JPH3: variants seen among roughly 807,000 people sequenced by gnomAD.
The protein encoded by JPH3 is junctophilin-3.
JPH3 carries 11 observed loss-of-function variants against 59.6 expected under a neutral mutation model. The observed-to-expected ratio is 0.18, with a 90% confidence interval of 0.12 to 0.31. The LOEUF (loss-of-function observed/expected upper bound fraction) is 0.31. Ranked by LOEUF, JPH3 falls within the 10% of genes least tolerant of loss-of-function variation. The pLI, the probability that JPH3 is intolerant of heterozygous loss-of-function variation, is 1.00. For synonymous variants in JPH3, 673 were observed against 483.6 expected (o/e 1.39, Z -5.14); for missense variants, 1,202 against 1,105.7 (o/e 1.09, Z -1.24).
At chr16:87,622,480 G>C (rs568253863) in intron 1 of JPH3, among the ~76,000 whole-genome samples, 1 of 146,496 alleles carries the variant, frequency 6.8e-6, no homozygotes, top group African/African-American at 2.5e-5. Flanking sequence ...GCAGAGGGGC[G>C]TGCAGGCAGC....
rs190052137 is a variant in JPH3, at chr16:87,627,573, A to T, written c.383-16685A>T. 2.7e-3 allele frequency among the ~76,000 whole-genome samples: 406 copies of T among 152,282 alleles called. 2 individuals carry two copies. Among genetic ancestry groups the T allele is most frequent in the Non-Finnish European group, 4.5e-3 (304 of 68,020 alleles). ...TTTTACAGGCAGGGACAGTGAAGGG[A>T]CTGTGACCGCTGTTGGTGCCAGGCA... On this transcript the variant is annotated intron_variant, in intron 1 of 4. Coordinates refer to ENST00000284262, the MANE Select transcript of JPH3 (RefSeq NM_020655.4).
chr16:87,645,427 G>T (rs1227404851), intron 2 of JPH3, among the ~76,000 whole-genome samples: 1 of 152,228 alleles, frequency 6.6e-6, no homozygotes, highest in Non-Finnish European at 1.5e-5. Context: ...GGGGGTGGCA[G>T]GTCCAGCACT....
chr16:87,691,096 C>CCG (rs71156242), intron 4 of JPH3, among the ~76,000 whole-genome samples: 2 of 150,624 alleles, frequency 1.3e-5, no homozygotes, highest in African/African-American at 4.9e-5. Flanking sequence ...ACCCCCCCCC[C>CCG]AAATTCGTTC....
chr16:87,644,745 C>T lies in JPH3; in HGVS notation c.870C>T (p.Gly290=), dbSNP rs144950183. The change falls in exon 2 of 5, where the codon GGC becomes GGT. Residue 290 remains glycine, a synonymous_variant. Coordinates refer to ENST00000284262, the MANE Select transcript of JPH3 (RefSeq NM_020655.4). Reference sequence around the variant, plus strand: ...CCACCACCACCGAGACCTACGTGGGCGAGTGGAAGAACGACAAACGCTCCG... The same window carrying T: ...CCACCACCACCGAGACCTACGTGGGTGAGTGGAAGAACGACAAACGCTCCG... The part of the protein sequence containing the change: ...IDATTTETYV[G]EWKNDKRSGF... The T allele has an allele frequency of 7.2e-4, 1,167 of 1,612,936 alleles. No individual in the cohort carries two copies. The highest frequency in any genetic ancestry group is 9.2e-4 in the Non-Finnish European group (1,085 of 1,179,888).
At chr16:87,642,084 G>A (rs2031972804) in intron 1 of JPH3, among the ~76,000 whole-genome samples, 1 of 152,182 alleles carries the variant, frequency 6.6e-6, no homozygotes, top group African/African-American at 2.4e-5. Flanking sequence ...AAGCCTGGAA[G>A]GATCAGGACC....
rs751969456 is a variant in JPH3, at chr16:87,603,525, G to C, written c.379G>C (p.Gly127Arg). Reference sequence around the variant, plus strand: ...CTACGGGACCGAGACCTACTCGGACGGAGGTAGGTGCCGCGGGCCGGGCCG... The same window carrying C: ...CTACGGGACCGAGACCTACTCGGACCGAGGTAGGTGCCGCGGGCCGGGCCG... ...DGYGTETYSD[G>R]GTYQGQWVGG... Residue 127 changes from glycine to arginine, a missense_variant, in exon 1 of 5, where the codon GGA becomes CGA. Physicochemically the swap from Gly to Arg is moderately radical, Grantham distance 125. Transcript: ENST00000284262. 1 of 1,548,064 alleles carries C rather than the reference G, an allele frequency of 6.5e-7. No homozygotes were observed. Among genetic ancestry groups the C allele is most frequent in the East Asian group, 2.4e-5 (1 of 40,882 alleles).
rs115762134 is a variant in JPH3, at chr16:87,669,300, G to A, written c.1161-14842G>A. On this transcript the variant is annotated intron_variant, in intron 2 of 4. Coordinates refer to ENST00000284262, the MANE Select transcript of JPH3 (RefSeq NM_020655.4). Reference sequence around the variant, plus strand: ...GGGTAGGATGGGGTTGCTGAGTGAGGCTGAAATCCCAGATGGGATGTCTGG... The same window carrying A: ...GGGTAGGATGGGGTTGCTGAGTGAGACTGAAATCCCAGATGGGATGTCTGG... 2.0e-3 allele frequency among the ~76,000 whole-genome samples: 307 copies of A among 152,332 alleles called. 1 individual carries two copies. The highest frequency in any genetic ancestry group is 7.0e-3 in the African/African-American group (290 of 41,564).
chr16:87,613,362 G>A (rs2030809818), intron 1 of JPH3, among the ~76,000 whole-genome samples: 1 of 151,674 alleles, frequency 6.6e-6, no homozygotes, highest in African/African-American at 2.4e-5. Context: ...GCCTCCCAAA[G>A]TGCTGGAATT....
chr16:87,653,072 G>A (rs9924006), intron 2 of JPH3, among the ~76,000 whole-genome samples: 4 of 152,072 alleles, frequency 2.6e-5, no homozygotes, highest in African/African-American at 4.8e-5. Context: ...GTGCCTGCGG[G>A]GGGGACTAGA....
chr16:87,651,972 G>A (rs527818777), intron 2 of JPH3, among the ~76,000 whole-genome samples: 6 of 149,490 alleles, frequency 4.0e-5, no homozygotes, highest in East Asian at 3.9e-4. Flanking sequence ...CATTGTTGTC[G>A]TTTTTTTTTT....
At chr16:87,629,860 T>TG (rs1321469567) in intron 1 of JPH3, among the ~76,000 whole-genome samples, 10 of 152,142 alleles carry the variant, frequency 6.6e-5, no homozygotes, top group African/African-American at 2.4e-4. Flanking sequence ...GCCCATCAAT[T>TG]GCGACAGATG....
At chr16:87,669,518 T>C (rs1332966822) in intron 2 of JPH3, among the ~76,000 whole-genome samples, 1 of 152,186 alleles carries the variant, frequency 6.6e-6, no homozygotes. Flanking sequence ...TCAGTGTGCT[T>C]CTGTGAATTG....
chr16:87,693,356 A>C (rs1240466487), intron 4 of JPH3, among the ~76,000 whole-genome samples: 1 of 152,202 alleles, frequency 6.6e-6, no homozygotes, highest in Non-Finnish European at 1.5e-5. Context: ...GGTTCAGCTT[A>C]TCTGTTGAGC....
At chr16:87,684,690 C>T (rs2033374731) in intron 3 of JPH3, among the ~76,000 whole-genome samples, 1 of 152,266 alleles carries the variant, frequency 6.6e-6, no homozygotes, top group Non-Finnish European at 1.5e-5. Flanking sequence ...CTTGACCTGC[C>T]TCTGATGTGA....
chr16:87,621,300 A>G (rs1322480623), intron 1 of JPH3, among the ~76,000 whole-genome samples: 1 of 152,236 alleles, frequency 6.6e-6, no homozygotes, highest in African/African-American at 2.4e-5. Flanking sequence ...GGCTGCTGGC[A>G]GGAGGAGGTG....
intron 2 of JPH3, among the ~76,000 whole-genome samples, chr16:87,673,902 G>C (rs938939255): frequency 6.6e-6 from 1 of 151,526 alleles, no homozygotes; most frequent in South Asian, 2.1e-4. Context: ...CTCCAGTCTG[G>C]GTGACACAGC....
intron 1 of JPH3, among the ~76,000 whole-genome samples, chr16:87,613,149 T>G (rs1191361087): frequency 2.1e-5 from 3 of 141,436 alleles, no homozygotes; most frequent in Non-Finnish European, 4.6e-5. Flanking sequence ...TAGGCTGGAG[T>G]GCAGTGGCGC....
chr16:87,621,481 A>G (rs938426535), intron 1 of JPH3, among the ~76,000 whole-genome samples: 3 of 152,204 alleles, frequency 2.0e-5, no homozygotes, highest in African/African-American at 7.2e-5. Flanking sequence ...AATCCCCACC[A>G]GTGCCTTCTT....
chr16:87,622,132 C>T (rs1340627710), intron 1 of JPH3, among the ~76,000 whole-genome samples: 7 of 152,120 alleles, frequency 4.6e-5, no homozygotes, highest in African/African-American at 1.4e-4. Context: ...GAGGGGATGC[C>T]TCAGAGCCAG....
Sources: gnomAD v4.1 joint callset for allele counts (sites outside exome capture counted in the v4.1 genomes callset) on GRCh38, gnomAD v4.1.1 for gene constraint, MANE v1.5 for transcripts, NCBI Gene and HGNC (gene_info 2026-07-23, HGNC 2026-07-21) for gene names.